Variants in OSBPL1A observed in about 807,000 individuals in gnomAD.
The protein encoded by OSBPL1A is oxysterol binding protein like 1A.
Under a neutral mutation model 137.1 loss-of-function variants are expected in OSBPL1A, and 80 were observed. That is an observed-to-expected ratio of 0.58 (90% CI 0.49 to 0.70). The LOEUF (loss-of-function observed/expected upper bound fraction) is 0.70. Ranked by LOEUF, OSBPL1A falls within the 30% of genes least tolerant of loss-of-function variation. OSBPL1A has a pLI of 0.00. For synonymous variants in OSBPL1A, 365 were observed against 389.7 expected (o/e 0.94, Z 0.75); for missense variants, 970 against 1,129.4 (o/e 0.86, Z 2.02).
intron 15 of OSBPL1A, among the ~76,000 whole-genome samples, chr18:24,248,284 T>C (rs935099994): frequency 1.6e-4 from 25 of 152,344 alleles, no homozygotes; most frequent in African/African-American, 5.8e-4. Context: ...CTCTAGTCTC[T>C]TGACATTATA....
At chr18:24,237,247 A>G (rs2146005213) in intron 16 of OSBPL1A, among the ~76,000 whole-genome samples, 1 of 152,350 alleles carries the variant, frequency 6.6e-6, no homozygotes, top group East Asian at 1.9e-4. Flanking sequence ...GGGTTCTCAC[A>G]TACTTTTATA....
chr18:24,170,275 A>G, intron 24 of OSBPL1A, 52 bp downstream of exon 24: 1 of 1,607,756 alleles, frequency 6.2e-7, no homozygotes, highest in East Asian at 2.2e-5. Flanking sequence ...AAGGATTAGT[A>G]CACATTGAAG....
At chr18:24,297,002 A>G (rs1213778672) in intron 14 of OSBPL1A, among the ~76,000 whole-genome samples, 2 of 152,102 alleles carry the variant, frequency 1.3e-5, no homozygotes, top group African/African-American at 4.8e-5. Flanking sequence ...TATTAGGGTG[A>G]TACTGGCTTC....
At chr18:24,223,579 C>T (rs898564874) in intron 17 of OSBPL1A, among the ~76,000 whole-genome samples, 4 of 152,086 alleles carry the variant, frequency 2.6e-5, no homozygotes, top group South Asian at 2.1e-4. Context: ...AAAGTTTAAT[C>T]TCATCTTAAC....
chr18:24,349,581 C>G (rs1200915046), intron 4 of OSBPL1A, among the ~76,000 whole-genome samples: 1 of 152,124 alleles, frequency 6.6e-6, no homozygotes, highest in Non-Finnish European at 1.5e-5. Flanking sequence ...CCCAGGCAGA[C>G]ACGACCTATT....
intron 18 of OSBPL1A, among the ~76,000 whole-genome samples, chr18:24,185,744 C>A (rs113129229): frequency 0.018 from 2,795 of 152,172 alleles, 35 homozygotes; most frequent in African/African-American, 0.037. Context: ...TTGCTGTAAA[C>A]TGAAAATTAC....
chr18:24,221,650 T>C (rs1221120698), intron 17 of OSBPL1A, among the ~76,000 whole-genome samples: 1 of 152,228 alleles, frequency 6.6e-6, no homozygotes, highest in Non-Finnish European at 1.5e-5. Context: ...ATTTTCTTTT[T>C]TTCTTCCATA....
chr18:24,233,229 G>A (rs1164168632), intron 16 of OSBPL1A, among the ~76,000 whole-genome samples: 2 of 152,158 alleles, frequency 1.3e-5, no homozygotes, highest in East Asian at 3.9e-4. Context: ...GATTATGAGA[G>A]ATTCCTAAAG....
chr18:24,391,794 A>C (rs902659316), intron 1 of OSBPL1A, among the ~76,000 whole-genome samples: 1 of 152,210 alleles, frequency 6.6e-6, no homozygotes, highest in African/African-American at 2.4e-5. Context: ...TGTTATGTAC[A>C]TTTTATCACA....
chr18:24,335,584 C>T (rs1273716545), intron 5 of OSBPL1A, among the ~76,000 whole-genome samples: 1 of 152,210 alleles, frequency 6.6e-6, no homozygotes, highest in Non-Finnish European at 1.5e-5. Context: ...CAGAGAACGA[C>T]TTGGTGATCC....
intron 15 of OSBPL1A, among the ~76,000 whole-genome samples, chr18:24,240,427 C>T (rs1483111255): frequency 2.0e-5 from 3 of 152,192 alleles, no homozygotes; most frequent in African/African-American, 7.2e-5. Flanking sequence ...ATTCAAGTCA[C>T]CTAATCCTTA....
intron 21 of OSBPL1A, among the ~76,000 whole-genome samples, chr18:24,175,041 G>GT (rs2145915170): frequency 6.9e-6 from 1 of 144,810 alleles, no homozygotes; most frequent in African/African-American, 2.6e-5. Context: ...AGCCTCCTAA[G>GT]TAACTGGAAT....
intron 17 of OSBPL1A, among the ~76,000 whole-genome samples, chr18:24,224,577 G>C (rs916709876): frequency 5.9e-5 from 9 of 152,162 alleles, no homozygotes; most frequent in African/African-American, 2.2e-4. Flanking sequence ...TGTTCAGCAA[G>C]TCCTGGGTCT....
rs1273368995 is a variant in OSBPL1A at position 24,377,401 on chromosome 18, T to C, written c.121+12A>G. ...TCATAAGAGAAAGCTACAAAATCCA[T>C]TCAAAGTTTACCTTTGCAATTAATG... On this transcript the variant is annotated intron_variant, in intron 2 of 27. Coordinates refer to ENST00000319481, the MANE Select transcript of OSBPL1A (RefSeq NM_080597.4). 6.3e-7 allele frequency: 1 copy of C among 1,599,920 alleles called. No individual in the cohort carries two copies. The highest frequency in any genetic ancestry group is 1.1e-5 in the South Asian group (1 of 87,636).
chr18:24,279,250 TAAAAAAA>T (rs565359517), intron 15 of OSBPL1A, among the ~76,000 whole-genome samples: 3 of 125,398 alleles, frequency 2.4e-5, no homozygotes, highest in Non-Finnish European at 3.3e-5. Context: ...CCCATTTCTT[TAAAAAAA>T]AAAAAAAAAA....
chr18:24,256,345 A>G (rs903118452), intron 15 of OSBPL1A, among the ~76,000 whole-genome samples: 1 of 152,246 alleles, frequency 6.6e-6, no homozygotes, highest in African/African-American at 2.4e-5. Flanking sequence ...GTCATACATC[A>G]TATCAACAGA....
chr18:24,201,046 G>C (rs996025917), intron 17 of OSBPL1A, among the ~76,000 whole-genome samples: 26 of 152,108 alleles, frequency 1.7e-4, no homozygotes, highest in African/African-American at 6.0e-4. Flanking sequence ...CAGGCTGAAA[G>C]CACAGCTCAG....
intron 5 of OSBPL1A, among the ~76,000 whole-genome samples, chr18:24,338,055 G>A (rs904452132): frequency 4.7e-5 from 7 of 150,192 alleles, no homozygotes; most frequent in African/African-American, 1.7e-4. Context: ...CTTTCCCATA[G>A]ATTAGAAATT....
chr18:24,345,249 T>A lies in OSBPL1A; in HGVS notation c.283-3591A>T, dbSNP rs2091327356. Among the ~76,000 whole-genome samples, 3 of 152,296 alleles carry A rather than the reference T, an allele frequency of 2.0e-5. 1 individual carries two copies. The highest frequency in any genetic ancestry group is 4.1e-4 in the South Asian group (2 of 4,820). On this transcript the variant is annotated intron_variant, in intron 4 of 27. Transcript: ENST00000319481. ...AGCATGCCTCCTCCCAGAGAAGTAG[T>A]CAGCCTCGTTAAAGTGTAGCTATGG... is the stretch of plus-strand genomic sequence containing the variant.
Sources: gnomAD v4.1 joint callset for allele counts (sites outside exome capture counted in the v4.1 genomes callset) on GRCh38, gnomAD v4.1.1 for gene constraint, MANE v1.5 for transcripts, NCBI Gene and HGNC (gene_info 2026-07-23, HGNC 2026-07-21) for gene names.